The following NTF3 variants were observed in gnomAD, a reference collection of about 807,000 sequenced individuals.
NTF3 encodes the protein neurotrophin-3.
NTF3 carries 8 observed loss-of-function variants against 26.3 expected under a neutral mutation model. That is an observed-to-expected ratio of 0.30 (90% CI 0.18 to 0.55). The LOEUF (loss-of-function observed/expected upper bound fraction) is 0.55, where lower values mean the gene tolerates loss of function less well. Ranked by LOEUF, NTF3 falls within the 20% of genes least tolerant of loss-of-function variation. NTF3 has a pLI of 0.93. For synonymous variants in NTF3, 154 were observed against 145.5 expected (o/e 1.06, Z -0.42); for missense variants, 276 against 352.9 (o/e 0.78, Z 1.75).
At chr12:5,436,994 C>T (rs902439664) in intron 1 of NTF3, among the ~76,000 whole-genome samples, 2 of 152,166 alleles carry the variant, frequency 1.3e-5, no homozygotes, top group African/African-American at 4.8e-5. Flanking sequence ...TTGACATAGG[C>T]ACCATTTGAA....
At chr12:5,481,338 C>CA (rs1269857337) in intron 1 of NTF3, among the ~76,000 whole-genome samples, 1 of 151,812 alleles carries the variant, frequency 6.6e-6, no homozygotes, top group Non-Finnish European at 1.5e-5. Context: ...CATCCCTTGC[C>CA]CAGCACACCA....
intron 1 of NTF3, among the ~76,000 whole-genome samples, chr12:5,455,447 G>T (rs141101959): frequency 6.6e-6 from 1 of 152,052 alleles, no homozygotes; most frequent in Non-Finnish European, 1.5e-5. Flanking sequence ...AGAAGTGCCT[G>T]GGCCTGGCCT....
chr12:5,477,757 T>A (rs1245708011), intron 1 of NTF3, among the ~76,000 whole-genome samples: 1 of 152,168 alleles, frequency 6.6e-6, no homozygotes. Flanking sequence ...TTTATTGGGA[T>A]GTTTGAGAAG....
chr12:5,481,530 A>AC (rs1565395299), intron 1 of NTF3, among the ~76,000 whole-genome samples: 46 of 33,222 alleles, frequency 1.4e-3, no homozygotes, highest in South Asian at 4.5e-3. Flanking sequence ...ACACACACAG[A>AC]CACATTCACA....
chr12:5,485,735 GTGTT>G (rs1940858970), intron 1 of NTF3, among the ~76,000 whole-genome samples: 1 of 152,306 alleles, frequency 6.6e-6, no homozygotes, highest in African/African-American at 2.4e-5. Context: ...AGTCACTAGA[GTGTT>G]TGGGGCTGGA....
chr12:5,448,614 G>C (rs1011670068), intron 1 of NTF3, among the ~76,000 whole-genome samples: 1 of 152,154 alleles, frequency 6.6e-6, no homozygotes, highest in Admixed American at 6.5e-5. Context: ...ATTGTTTTGG[G>C]AGTAGGGCTG....
At chr12:5,448,149 A>C (rs1488189575) in intron 1 of NTF3, among the ~76,000 whole-genome samples, 1 of 152,228 alleles carries the variant, frequency 6.6e-6, no homozygotes, top group Non-Finnish European at 1.5e-5. Context: ...CTGGTTGCAA[A>C]TCTAATAGAT....
At chr12:5,475,910 AAGAAAGAG>A (rs926077189) in intron 1 of NTF3, among the ~76,000 whole-genome samples, 7 of 139,886 alleles carry the variant, frequency 5.0e-5, no homozygotes, top group Admixed American at 2.1e-4. Flanking sequence ...GAAAGAAAGA[AAGAAAGAG>A]AGAAAGAGAG....
intron 1 of NTF3, among the ~76,000 whole-genome samples, chr12:5,489,539 A>G (rs1159487756): frequency 6.6e-6 from 1 of 152,136 alleles, no homozygotes; most frequent in African/African-American, 2.4e-5. Context: ...GTACTTCAGG[A>G]TGGTTGTTAC....
At position 5,494,599 on chromosome 12, in the gene NTF3, G is replaced by A; in HGVS notation, c.424G>A (p.Val142Met). ...GGAGGATTACGTGGGCAGCCCCGTG[G>A]TGGCGAACAGAACATCACGGCGGAA... ...LMEDYVGSPVVANRTSRRKRY... is the reference protein window; with the variant it reads ...LMEDYVGSPVMANRTSRRKRY... Residue 142 changes from valine to methionine, a missense_variant, in exon 2 of 2, where the codon GTG becomes ATG. Transcript: ENST00000423158. This position sits in a 1 kb window ranked among gnomAD's most constrained non-coding sequence, Gnocchi z 8.3. 1.2e-6 allele frequency: 2 copies of A among 1,614,136 alleles called. No homozygotes were observed. Among genetic ancestry groups the A allele is most frequent in the Non-Finnish European group, 1.7e-6 (2 of 1,180,040 alleles).
intron 1 of NTF3, among the ~76,000 whole-genome samples, chr12:5,469,648 A>G (rs1190306015): frequency 6.6e-6 from 1 of 152,190 alleles, no homozygotes; most frequent in Non-Finnish European, 1.5e-5. Flanking sequence ...AAAATGTAGA[A>G]ACACTGACCA....
chr12:5,431,192 A>G (rs1271017509), upstream of NTF3, among the ~76,000 whole-genome samples: 1 of 151,896 alleles, frequency 6.6e-6, no homozygotes, highest in Non-Finnish European at 1.5e-5. Flanking sequence ...CGCCACGAAC[A>G]GGTTTGTTTG....
chr12:5,487,063 A>G (rs1004200495), intron 1 of NTF3, among the ~76,000 whole-genome samples: 2 of 152,198 alleles, frequency 1.3e-5, no homozygotes. Flanking sequence ...GATCCTTCCT[A>G]GTCCACCCTC....
At chr12:5,439,087 G>T (rs543818351) in intron 1 of NTF3, among the ~76,000 whole-genome samples, 2 of 152,336 alleles carry the variant, frequency 1.3e-5, no homozygotes, top group African/African-American at 2.4e-5. Context: ...GCTGAAAGGG[G>T]TGGGATTTGG....
intron 1 of NTF3, among the ~76,000 whole-genome samples, chr12:5,479,499 C>T (rs1940762119): frequency 6.6e-6 from 1 of 152,198 alleles, no homozygotes. Flanking sequence ...ATGTGGTCCA[C>T]CCTGCTGGGC....
intron 1 of NTF3, among the ~76,000 whole-genome samples, chr12:5,439,550 C>A (rs1189830468): frequency 1.3e-5 from 2 of 152,248 alleles, no homozygotes; most frequent in Non-Finnish European, 2.9e-5. Context: ...TTTCTAGCCA[C>A]CTGCTGGCAA....
intron 1 of NTF3, among the ~76,000 whole-genome samples, chr12:5,472,027 C>A (rs371358360): frequency 6.6e-6 from 1 of 152,114 alleles, no homozygotes; most frequent in Non-Finnish European, 1.5e-5. Flanking sequence ...GATAACTGTG[C>A]GGTCTGAGGT....
At chr12:5,455,553 C>CACACACACAG (rs1940433756) in intron 1 of NTF3, among the ~76,000 whole-genome samples, 1 of 138,350 alleles carries the variant, frequency 7.2e-6, no homozygotes, top group Admixed American at 7.5e-5. Flanking sequence ...CACACACACA[C>CACACACACAG]ACACACACAC....
rs1940099158 is a variant in NTF3, at chr12:5,432,130, C to A, written c.-195C>A. Reference sequence around the variant, plus strand: ...GGGACTCAGAGTTGAAGCTCCTCTCCCTTCCGAACAGCTCCGCGCACCGCC... The same window carrying A: ...GGGACTCAGAGTTGAAGCTCCTCTCACTTCCGAACAGCTCCGCGCACCGCC... On this transcript the variant is annotated 5_prime_UTR_variant, in exon 1 of 2. Transcript: ENST00000423158. 4 of 670,340 alleles carry A rather than the reference C, an allele frequency of 6.0e-6. No individual in the cohort carries two copies. Among genetic ancestry groups the A allele is most frequent in the Non-Finnish European group, 1.1e-5 (4 of 371,824 alleles). The allele number at this position is 670,340 out of a possible 1,614,324, so 41.5% of individuals were successfully genotyped here.
Sources: gnomAD v4.1 joint callset for allele counts (sites outside exome capture counted in the v4.1 genomes callset) on GRCh38, gnomAD v4.1.1 for gene constraint, Gnocchi (gnomAD v3.1) non-coding constraint, MANE v1.5 for transcripts, NCBI Gene and HGNC (gene_info 2026-07-23, HGNC 2026-07-21) for gene names.